Variants in SCLT1 observed in about 807,000 individuals in gnomAD.
SCLT1 encodes the protein sodium channel and clathrin linker 1, also known as sodium channel-associated protein 1.
In SCLT1, 78 loss-of-function variants were observed where a neutral mutation model predicts 112.8. That is an observed-to-expected ratio of 0.69 (90% CI 0.58 to 0.83). SCLT1 has a LOEUF of 0.83. SCLT1 is among the 40% of genes least tolerant of loss of function. The pLI is 0.00. For synonymous variants in SCLT1, 257 were observed against 254.7 expected (o/e 1.01, Z -0.09); for missense variants, 747 against 770.4 (o/e 0.97, Z 0.36).
chr4:128,890,360 T>C (rs1733214073), intron 19 of SCLT1, among the ~76,000 whole-genome samples: 1 of 152,162 alleles, frequency 6.6e-6, no homozygotes, highest in African/African-American at 2.4e-5. Flanking sequence ...AGAATAGATA[T>C]CTGGAAATGG....
intron 5 of SCLT1, among the ~76,000 whole-genome samples, chr4:129,030,916 T>G (rs1409752324): frequency 6.6e-6 from 1 of 152,036 alleles, no homozygotes; most frequent in Non-Finnish European, 1.5e-5. Context: ...CTGGTAGCAT[T>G]CCTTCTGAAA....
chr4:129,082,919 C>G (rs552328582), intron 1 of SCLT1, among the ~76,000 whole-genome samples: 1 of 152,092 alleles, frequency 6.6e-6, no homozygotes, highest in Admixed American at 6.5e-5. Context: ...AGCCCAGGCC[C>G]GGTGACTCAT....
intron 17 of SCLT1, among the ~76,000 whole-genome samples, chr4:128,937,567 CTAAA>C (rs1737319347): frequency 6.6e-6 from 1 of 152,126 alleles, no homozygotes; most frequent in East Asian, 1.9e-4. Flanking sequence ...GACTTACATA[CTAAA>C]TTTGAAACTC....
chr4:128,945,476 T>C (rs1462695121), intron 16 of SCLT1, among the ~76,000 whole-genome samples: 1 of 152,190 alleles, frequency 6.6e-6, no homozygotes, highest in Non-Finnish European at 1.5e-5. Flanking sequence ...GGTATTAGTA[T>C]TTAATTAAAA....
chr4:128,988,292 T>C (rs1406038916), intron 9 of SCLT1, among the ~76,000 whole-genome samples: 1 of 152,000 alleles, frequency 6.6e-6, no homozygotes. Flanking sequence ...TTTGAAGAGA[T>C]AGACAATATA....
chr4:128,980,936 T>C (rs998033842), intron 9 of SCLT1, among the ~76,000 whole-genome samples: 1 of 152,132 alleles, frequency 6.6e-6, no homozygotes, highest in Non-Finnish European at 1.5e-5. Flanking sequence ...AGGACACAAA[T>C]AGAAAATCCA....
intron 8 of SCLT1, among the ~76,000 whole-genome samples, chr4:128,993,902 T>A (rs975180846): frequency 6.6e-5 from 10 of 151,966 alleles, no homozygotes; most frequent in African/African-American, 2.4e-4. Context: ...AATGTAAAAT[T>A]ATAATCTATC....
intron 5 of SCLT1, among the ~76,000 whole-genome samples, chr4:129,019,168 A>G: frequency 6.6e-6 from 1 of 152,218 alleles, no homozygotes; most frequent in South Asian, 2.1e-4. Flanking sequence ...ACTGAGTTCC[A>G]TATAAATTCA....
At chr4:129,024,391 G>T (rs1047391415) in intron 5 of SCLT1, among the ~76,000 whole-genome samples, 1 of 152,178 alleles carries the variant, frequency 6.6e-6, no homozygotes, top group Non-Finnish European at 1.5e-5. Context: ...CGCGATTCAC[G>T]AAAATCTGCT....
rs141311518 is a variant in SCLT1 at position 128,951,658 on chromosome 4, A to T, written c.1218+1111T>A. On this transcript the variant is annotated intron_variant, in intron 14 of 20. Transcript: ENST00000281142. ...TTTCCACAAAGATACGAATCTCTTG[A>T]TAGCTAATCAGCCCATGAAAGAAAA... is the stretch of plus-strand genomic sequence containing the variant. Among the ~76,000 whole-genome samples, 248 of 152,258 alleles carry T rather than the reference A, an allele frequency of 1.6e-3. 2 individuals carry two copies. Among genetic ancestry groups the T allele is most frequent in the East Asian group, 0.014 (70 of 5,178 alleles).
At chr4:128,928,781 G>A (rs1736512190) in intron 18 of SCLT1, among the ~76,000 whole-genome samples, 1 of 151,848 alleles carries the variant, frequency 6.6e-6, no homozygotes, top group African/African-American at 2.4e-5. Flanking sequence ...GCAGTGAGCT[G>A]AGATCGCGCC....
At chr4:129,071,259 T>TG (rs956659539) in intron 2 of SCLT1, among the ~76,000 whole-genome samples, 2 of 152,166 alleles carry the variant, frequency 1.3e-5, no homozygotes, top group Non-Finnish European at 2.9e-5. Flanking sequence ...CTGTGGTTGT[T>TG]GGATGGAATG....
chr4:129,021,997 T>C (rs978592671), intron 5 of SCLT1, among the ~76,000 whole-genome samples: 9 of 152,298 alleles, frequency 5.9e-5, no homozygotes, highest in African/African-American at 1.9e-4. Context: ...CCACTAGAGA[T>C]ACCCAGGCGA....
chr4:128,951,712 G>A (rs1659455227), intron 14 of SCLT1, among the ~76,000 whole-genome samples: 1 of 152,084 alleles, frequency 6.6e-6, no homozygotes, highest in Admixed American at 6.5e-5. Context: ...GATAGAAAAG[G>A]AAGCAAAACT....
intron 5 of SCLT1, among the ~76,000 whole-genome samples, chr4:129,015,226 A>G (rs1243975980): frequency 6.6e-6 from 1 of 151,980 alleles, no homozygotes; most frequent in Non-Finnish European, 1.5e-5. Context: ...TGTATCAGCA[A>G]AGAGATGTGG....
chr4:128,896,460 G>A (rs913629034), intron 18 of SCLT1, among the ~76,000 whole-genome samples: 2 of 152,186 alleles, frequency 1.3e-5, no homozygotes, highest in Non-Finnish European at 2.9e-5. Flanking sequence ...TGCAGCTGAG[G>A]GTCCTGACTG....
intron 18 of SCLT1, among the ~76,000 whole-genome samples, chr4:128,914,795 A>T (rs1300829160): frequency 6.6e-6 from 1 of 152,232 alleles, no homozygotes; most frequent in Admixed American, 6.5e-5. Context: ...TTTCTTCTAC[A>T]GTATTTGAAT....
chr4:129,004,623 A>C (rs1743834108), intron 5 of SCLT1, among the ~76,000 whole-genome samples: 2 of 152,106 alleles, frequency 1.3e-5, no homozygotes, highest in Non-Finnish European at 2.9e-5. Flanking sequence ...TCATAAGCAG[A>C]AAATATTTAT....
chr4:128,924,003 G>A (rs1055473504), intron 18 of SCLT1, among the ~76,000 whole-genome samples: 9 of 151,746 alleles, frequency 5.9e-5, no homozygotes, highest in Admixed American at 2.6e-4. Context: ...TTGTAGAGAC[G>A]AGGTCTCACT....
Sources: allele counts gnomAD v4.1 joint callset (sites outside exome capture counted in the v4.1 genomes callset), GRCh38; gene constraint gnomAD v4.1.1; transcripts MANE v1.5; gene names NCBI Gene and HGNC (gene_info 2026-07-23, HGNC 2026-07-21).